Variants in PCDH9 observed in about 807,000 individuals in gnomAD.
PCDH9 encodes the protein protocadherin-9.
PCDH9 carries 24 observed loss-of-function variants against 70.6 expected under a neutral mutation model. The observed-to-expected ratio is 0.34, with a 90% CI of 0.25 to 0.48. The LOEUF (loss-of-function observed/expected upper bound fraction) is 0.48. Among genes scored for constraint, PCDH9 ranks in the 20% least tolerant of loss-of-function variants. The pLI is 0.99. For synonymous variants in PCDH9, 562 were observed against 558.5 expected, an observed-to-expected ratio of 1.01 and a Z score of -0.09; for missense variants, 1,281 against 1,503.6, an observed-to-expected ratio of 0.85 and a Z score of 2.45.
chr13:66,457,131 T>C (rs1958332569), intron 4 of PCDH9, among the ~76,000 whole-genome samples: 1 of 152,138 alleles, frequency 6.6e-6, no homozygotes, highest in Non-Finnish European at 1.5e-5. Flanking sequence ...AAATAAAAAG[T>C]GGCTCAACAT....
chr13:66,857,466 C>A (rs2081413127), intron 3 of PCDH9, among the ~76,000 whole-genome samples: 1 of 151,996 alleles, frequency 6.6e-6, no homozygotes, highest in African/African-American at 2.4e-5. Flanking sequence ...TCTGAAGAAA[C>A]AAGAAAGCAG....
intron 2 of PCDH9, among the ~76,000 whole-genome samples, chr13:67,047,797 T>C (rs1303825575): frequency 6.6e-6 from 1 of 152,182 alleles, no homozygotes; most frequent in African/African-American, 2.4e-5. Flanking sequence ...ATATCTTGCA[T>C]GGTGAAATGG....
chr13:66,552,619 C>T (rs956791720), intron 4 of PCDH9, among the ~76,000 whole-genome samples: 4 of 152,072 alleles, frequency 2.6e-5, no homozygotes, highest in African/African-American at 9.7e-5. Context: ...GAACCTACCA[C>T]ATGCCAAGAA....
At chr13:66,851,721 A>G (rs2081318264) in intron 3 of PCDH9, among the ~76,000 whole-genome samples, 1 of 152,186 alleles carries the variant, frequency 6.6e-6, no homozygotes, top group Non-Finnish European at 1.5e-5. Context: ...TTTGACAACC[A>G]ATGGCTTATA....
At chr13:66,867,741 T>G (rs1319009122) in intron 3 of PCDH9, among the ~76,000 whole-genome samples, 2 of 152,096 alleles carry the variant, frequency 1.3e-5, no homozygotes, top group East Asian at 3.8e-4. Flanking sequence ...ATGTTCATAA[T>G]GTGAATTTAT....
At chr13:66,398,963 G>T (rs904083336) in intron 4 of PCDH9, among the ~76,000 whole-genome samples, 4 of 152,108 alleles carry the variant, frequency 2.6e-5, no homozygotes, top group African/African-American at 9.7e-5. Flanking sequence ...ATAGCACTGT[G>T]CAGGGGGAAA....
chr13:66,743,260 C>T (rs1274051269), intron 3 of PCDH9, among the ~76,000 whole-genome samples: 8 of 94,888 alleles, frequency 8.4e-5, no homozygotes, highest in African/African-American at 2.6e-4. Flanking sequence ...AACCAAACAC[C>T]GCATATTCTC....
At chr13:66,356,181 T>A (rs1956378610) in intron 4 of PCDH9, among the ~76,000 whole-genome samples, 1 of 152,126 alleles carries the variant, frequency 6.6e-6, no homozygotes, top group African/African-American at 2.4e-5. Flanking sequence ...AATGAATTAA[T>A]GATTTGAAAA....
intron 2 of PCDH9, among the ~76,000 whole-genome samples, chr13:66,909,898 AT>A (rs1201247390): frequency 6.6e-6 from 1 of 152,088 alleles, no homozygotes; most frequent in Non-Finnish European, 1.5e-5. Context: ...TACCCAGTGG[AT>A]TTTGCAAAGT....
At position 66,305,005 on chromosome 13, in the gene PCDH9, A is replaced by G. The variant is rs1280317847; in HGVS notation, c.3364T>C (p.Leu1122=). 6.2e-7 allele frequency: 1 copy of G among 1,611,672 alleles called. No individual in the cohort carries two copies. ...NSDGPLGPRG[L]AEATEMCTQE... ...GTGCACATCTCTGTAGCTTCAGCTA[A>G]TCCTCGGGGACCCAAAGGCCCATCT... is the stretch of plus-strand genomic sequence containing the variant. The change falls in exon 5 of 5, where the codon TTA becomes CTA. Residue 1122 remains leucine (L), a synonymous_variant. Coordinates refer to ENST00000377865, the MANE Select transcript of PCDH9 (RefSeq NM_203487.3).
At chr13:66,765,925 T>A (rs373317863) in intron 3 of PCDH9, among the ~76,000 whole-genome samples, 1 of 152,032 alleles carries the variant, frequency 6.6e-6, no homozygotes, top group Non-Finnish European at 1.5e-5. Flanking sequence ...CTTGAAATAG[T>A]GCACTATCTT....
chr13:67,015,776 T>C (rs2084548747), intron 2 of PCDH9, among the ~76,000 whole-genome samples: 1 of 152,182 alleles, frequency 6.6e-6, no homozygotes. Flanking sequence ...ATTGTTCTCT[T>C]CATTCTACCC....
At chr13:67,066,697 A>G (rs1473950080) in intron 2 of PCDH9, among the ~76,000 whole-genome samples, 5 of 152,158 alleles carry the variant, frequency 3.3e-5, no homozygotes, top group Non-Finnish European at 7.3e-5. Flanking sequence ...TATTAGTTTA[A>G]AATTCTAGGG....
At chr13:66,325,660 A>G (rs534398460) in intron 4 of PCDH9, among the ~76,000 whole-genome samples, 1 of 152,164 alleles carries the variant, frequency 6.6e-6, no homozygotes, top group Non-Finnish European at 1.5e-5. Context: ...TTTACATATC[A>G]CACATATTTT....
intron 3 of PCDH9, among the ~76,000 whole-genome samples, chr13:66,726,924 T>C (rs930405698): frequency 1.3e-5 from 2 of 152,180 alleles, no homozygotes; most frequent in African/African-American, 4.8e-5. Context: ...CTTGCTTGCC[T>C]TATTTCTGAC....
intron 3 of PCDH9, among the ~76,000 whole-genome samples, chr13:66,842,072 T>C (rs964318173): frequency 3.9e-5 from 6 of 152,164 alleles, no homozygotes; most frequent in South Asian, 4.1e-4. Flanking sequence ...GAGAATTTAA[T>C]AGGAATATTA....
Position 66,782,089 on chromosome 13 carries a change from C to T in PCDH9, c.3138+121415G>A, listed in dbSNP as rs2080008125. Among the ~76,000 whole-genome samples, 5 of 152,214 alleles carry T rather than the reference C, an allele frequency of 3.3e-5. No homozygotes were observed. In the South Asian group the frequency reaches 1.0e-3, roughly 32 times the overall value. On this transcript the variant is annotated intron_variant, in intron 3 of 4. Coordinates refer to ENST00000377865, the MANE Select transcript of PCDH9 (RefSeq NM_203487.3). ...TCTCCCTAATTTTTCTATCATGAACCTATTACACCTTTCCTGGTGAGTCCT... is the reference window on the plus strand; with the variant it reads ...TCTCCCTAATTTTTCTATCATGAACTTATTACACCTTTCCTGGTGAGTCCT...
chr13:66,753,204 C>T (rs2079487126), intron 3 of PCDH9, among the ~76,000 whole-genome samples: 1 of 152,084 alleles, frequency 6.6e-6, no homozygotes, highest in African/African-American at 2.4e-5. Context: ...TTGCCTTAAA[C>T]ATTTTCATAT....
chr13:67,168,706 G>A (rs2088193256), intron 2 of PCDH9, among the ~76,000 whole-genome samples: 1 of 152,208 alleles, frequency 6.6e-6, no homozygotes, highest in Non-Finnish European at 1.5e-5. Context: ...AGTCCAGCCA[G>A]CCTGGGCAAC....
Sources: allele counts gnomAD v4.1 joint callset (sites outside exome capture counted in the v4.1 genomes callset), GRCh38; gene constraint gnomAD v4.1.1; transcripts MANE v1.5; gene names NCBI Gene and HGNC (gene_info 2026-07-23, HGNC 2026-07-21).